SOX6: variants seen among roughly 807,000 people sequenced by gnomAD.
SOX6 encodes the protein SRY-box transcription factor 6, also known as transcription factor SOX-6.
Under a neutral mutation model 97.8 loss-of-function variants are expected in SOX6, and 11 were observed. That is an observed-to-expected ratio of 0.11 (90% confidence interval 0.07 to 0.19). The LOEUF is 0.19. SOX6 is among the 10% of genes least tolerant of loss of function. The pLI is 1.00. For missense variants in SOX6, 810 were observed against 1,039.5 expected (o/e 0.78, Z 3.04); for synonymous variants, 360 against 371.4 (o/e 0.97, Z 0.35).
intron 3 of SOX6, among the ~76,000 whole-genome samples, chr11:16,712,490 C>A (rs1484288515): frequency 6.6e-6 from 1 of 152,088 alleles, no homozygotes; most frequent in Non-Finnish European, 1.5e-5. Context: ...TTGCATTTCC[C>A]TGATCATTAG....
chr11:16,476,420 G>A (rs1422899764), upstream of SOX6: 3 of 152,120 alleles, frequency 2.0e-5, no homozygotes. Flanking sequence ...AAATAAAAAA[G>A]GATAAGTAAA....
chr11:16,431,598 T>C (rs777788432), intron 1 of SOX6, among the ~76,000 whole-genome samples: 45 of 151,842 alleles, frequency 3.0e-4, no homozygotes, highest in Non-Finnish European at 6.2e-4. Context: ...ATAAACTAGA[T>C]GAGGAAAAAT....
chr11:16,274,817 G>T (rs1854350068), intron 3 of SOX6, among the ~76,000 whole-genome samples: 1 of 152,096 alleles, frequency 6.6e-6, no homozygotes, highest in Non-Finnish European at 1.5e-5. Context: ...TCAACTAAGA[G>T]ATTTCCCCTA....
intron 4 of SOX6, among the ~76,000 whole-genome samples, chr11:16,542,134 A>G (rs565234388): frequency 2.0e-5 from 3 of 152,376 alleles, no homozygotes; most frequent in Admixed American, 1.3e-4. Context: ...CTACGCAGCC[A>G]TAAAAAATGA....
chr11:16,225,912 C>T (rs571068119), intron 4 of SOX6, among the ~76,000 whole-genome samples: 1 of 152,246 alleles, frequency 6.6e-6, no homozygotes, highest in Non-Finnish European at 1.5e-5. Context: ...TATGCTTGTA[C>T]TATTTGATGT....
chr11:16,604,685 C>G (rs913013399), intron 4 of SOX6, among the ~76,000 whole-genome samples: 2 of 152,206 alleles, frequency 1.3e-5, no homozygotes, highest in Non-Finnish European at 2.9e-5. Context: ...ACAAAAGCAG[C>G]CCAGGACAGC....
At chr11:16,288,990 A>G (rs1854830335) in intron 3 of SOX6, among the ~76,000 whole-genome samples, 1 of 151,968 alleles carries the variant, frequency 6.6e-6, no homozygotes. Context: ...AATTATTCAA[A>G]GGTCAGATAA....
chr11:16,545,407 C>G (rs1357541513), intron 4 of SOX6, among the ~76,000 whole-genome samples: 1 of 148,790 alleles, frequency 6.7e-6, no homozygotes, highest in Non-Finnish European at 1.5e-5. Context: ...TAAAATTCAA[C>G]ACCTCTTCAT....
intron 3 of SOX6, among the ~76,000 whole-genome samples, chr11:16,301,675 A>C (rs1855262308): frequency 6.6e-6 from 1 of 152,184 alleles, no homozygotes; most frequent in South Asian, 2.1e-4. Flanking sequence ...CCCTTATTTT[A>C]TATGAATAGA....
chr11:16,314,611 A>G (rs1430839913), intron 3 of SOX6: 1 of 152,202 alleles, frequency 6.6e-6, no homozygotes, highest in Non-Finnish European at 1.5e-5. Context: ...TCCAGCAGAC[A>G]TAGATAGAAT....
chr11:16,158,825 C>G (rs1316791620), intron 6 of SOX6, among the ~76,000 whole-genome samples: 1 of 151,628 alleles, frequency 6.6e-6, no homozygotes, highest in African/African-American at 2.4e-5. Context: ...CACATTAACT[C>G]TAATAATTCT....
intron 3 of SOX6, among the ~76,000 whole-genome samples, chr11:16,309,877 C>A (rs1855547817): frequency 6.6e-6 from 1 of 152,026 alleles, no homozygotes; most frequent in South Asian, 2.1e-4. Context: ...TGCTAATGAT[C>A]CACTCAACCT....
At chr11:16,532,786 G>C (rs1013680220) in intron 4 of SOX6, among the ~76,000 whole-genome samples, 2 of 151,864 alleles carry the variant, frequency 1.3e-5, no homozygotes, top group African/African-American at 4.8e-5. Flanking sequence ...TGATATGCCA[G>C]TACTGTCAAG....
chr11:16,088,925 T>C (rs1162853131), intron 9 of SOX6, among the ~76,000 whole-genome samples: 3 of 152,156 alleles, frequency 2.0e-5, no homozygotes, highest in Non-Finnish European at 4.4e-5. Flanking sequence ...TTATTTACTT[T>C]TGTTTTAGTT....
At chr11:16,153,625 A>T (rs1395974431) in intron 6 of SOX6, among the ~76,000 whole-genome samples, 1 of 152,064 alleles carries the variant, frequency 6.6e-6, no homozygotes, top group Non-Finnish European at 1.5e-5. Context: ...GACTCAACCT[A>T]TCTCTTTGTG....
At chr11:16,118,018 TTTAA>T (rs1403699507) in intron 6 of SOX6, among the ~76,000 whole-genome samples, 1 of 152,216 alleles carries the variant, frequency 6.6e-6, no homozygotes, top group East Asian at 1.9e-4. Context: ...TCAGAGATTC[TTTAA>T]TTATCCTATA....
chr11:16,174,910 T>G (rs1330095998), intron 6 of SOX6, among the ~76,000 whole-genome samples: 1 of 151,982 alleles, frequency 6.6e-6, no homozygotes, highest in Non-Finnish European at 1.5e-5. Context: ...AGAATTTGAC[T>G]CTGTTTTTTG....
chr11:16,306,061 C>T (rs983166398), intron 3 of SOX6, among the ~76,000 whole-genome samples: 46 of 151,942 alleles, frequency 3.0e-4, no homozygotes, highest in African/African-American at 1.1e-3. Flanking sequence ...AAATAGGTGA[C>T]AAAAATATAT....
At chr11:16,505,641 G>C (rs927543560) in intron 4 of SOX6, among the ~76,000 whole-genome samples, 1 of 152,154 alleles carries the variant, frequency 6.6e-6, no homozygotes, top group Non-Finnish European at 1.5e-5. Context: ...TGTCTCCAAG[G>C]CATTTTAGAG....
Sources: allele counts gnomAD v4.1 joint callset (sites outside exome capture counted in the v4.1 genomes callset), GRCh38; gene constraint gnomAD v4.1.1; transcripts MANE v1.5; gene names NCBI Gene and HGNC (gene_info 2026-07-23, HGNC 2026-07-21).